GRAP2: variants seen among roughly 807,000 people sequenced by gnomAD.
The protein encoded by GRAP2 is GRB2 related adaptor protein 2, also known as GRB2-related adapter protein 2.
A neutral mutation model predicts 43.5 loss-of-function variants in GRAP2; 31 were observed. That is an observed-to-expected ratio of 0.71 (90% confidence interval 0.54 to 0.96). The LOEUF (loss-of-function observed/expected upper bound fraction) is 0.96. GRAP2 is among the 40% of genes least tolerant of loss of function. The pLI is 0.00. For missense variants in GRAP2, 371 were observed against 424.4 expected, an observed-to-expected ratio of 0.87 and a Z score of 1.11; for synonymous variants, 156 against 164.8, an observed-to-expected ratio of 0.95 and a Z score of 0.41.
At chr22:39,964,122 T>G (rs955939358) in intron 4 of GRAP2, 1 of 401,712 alleles carries the variant, frequency 2.5e-6, no homozygotes. Context: ...AGTGCCAGTT[T>G]ATTTTTAGAT....
chr22:39,927,982 G>A (rs1968784183), intron 1 of GRAP2, among the ~76,000 whole-genome samples: 1 of 152,184 alleles, frequency 6.6e-6, no homozygotes, highest in African/African-American at 2.4e-5. Flanking sequence ...TAAATAGGGA[G>A]CCCAGATGGG....
intron 1 of GRAP2, among the ~76,000 whole-genome samples, chr22:39,932,079 G>A (rs978175256): frequency 5.9e-5 from 9 of 152,084 alleles, no homozygotes; most frequent in Non-Finnish European, 1.0e-4. Flanking sequence ...CCCACTCCCC[G>A]GTTTTCATGT....
intron 6 of GRAP2, chr22:39,968,651 G>T: frequency 3.9e-6 from 1 of 253,726 alleles, no homozygotes; most frequent in Non-Finnish European, 7.5e-6. Flanking sequence ...CCACAACAGA[G>T]CCTTGTTTAT....
intron 1 of GRAP2, among the ~76,000 whole-genome samples, chr22:39,913,559 G>T (rs1351696374): frequency 6.6e-6 from 1 of 152,178 alleles, no homozygotes; most frequent in Admixed American, 6.5e-5. Context: ...TCCCAACTGA[G>T]AAGGGGCTTA....
chr22:39,953,176 C>G (rs549478641), intron 2 of GRAP2, among the ~76,000 whole-genome samples: 1 of 152,282 alleles, frequency 6.6e-6, no homozygotes, highest in East Asian at 1.9e-4. Flanking sequence ...CTCTGAAACC[C>G]CAAGCCCCAA....
Position 39,918,784 on chromosome 22 carries a change from C to A in GRAP2, c.-15+17454C>A, listed in dbSNP as rs538327548. ...GTCCTGCCTTTTGAGAGAAGATAACCAAAAACACCACTCAATTAACAAAAC... is the reference window on the plus strand; with the variant it reads ...GTCCTGCCTTTTGAGAGAAGATAACAAAAAACACCACTCAATTAACAAAAC... On this transcript the variant is annotated intron_variant, in intron 1 of 7. Transcript: ENST00000344138. Among the ~76,000 whole-genome samples, 12 of 152,204 alleles carry A rather than the reference C, an allele frequency of 7.9e-5. No individual in the cohort carries two copies. In the East Asian group the frequency reaches 1.2e-3, roughly 15 times the overall value.
At chr22:39,930,772 A>G (rs1174384319) in intron 1 of GRAP2, among the ~76,000 whole-genome samples, 2 of 152,104 alleles carry the variant, frequency 1.3e-5, no homozygotes, top group Non-Finnish European at 2.9e-5. Flanking sequence ...CCAATCACTG[A>G]TCCCATCTCC....
chr22:39,938,086 A>G (rs1201743470), intron 1 of GRAP2, among the ~76,000 whole-genome samples: 1 of 152,230 alleles, frequency 6.6e-6, no homozygotes, highest in African/African-American at 2.4e-5. Context: ...TACCTTGGGC[A>G]TCACCCAAGT....
intron 2 of GRAP2, among the ~76,000 whole-genome samples, chr22:39,951,438 A>G (rs2066980857): frequency 6.6e-6 from 1 of 152,186 alleles, no homozygotes; most frequent in African/African-American, 2.4e-5. Context: ...TTAATTCCAC[A>G]TAATTCATTT....
chr22:39,954,338 T>C (rs1479748757), intron 2 of GRAP2, among the ~76,000 whole-genome samples: 1 of 152,236 alleles, frequency 6.6e-6, no homozygotes, highest in Non-Finnish European at 1.5e-5. Context: ...CAGAGTTCTT[T>C]CCATCTTTTG....
At chr22:39,927,236 C>A (rs2145598519) in intron 1 of GRAP2, among the ~76,000 whole-genome samples, 1 of 152,242 alleles carries the variant, frequency 6.6e-6, no homozygotes, top group Admixed American at 6.5e-5. Flanking sequence ...GGCACAGTGC[C>A]CTGACTGGAC....
At chr22:39,940,066 G>A (rs1162239449) in intron 1 of GRAP2, among the ~76,000 whole-genome samples, 1 of 152,138 alleles carries the variant, frequency 6.6e-6, no homozygotes, top group East Asian at 1.9e-4. Flanking sequence ...TCTGCACCTA[G>A]CCACAGAGCC....
intron 4 of GRAP2, among the ~76,000 whole-genome samples, chr22:39,963,134 T>C (rs932471521): frequency 6.6e-6 from 1 of 152,222 alleles, no homozygotes; most frequent in Non-Finnish European, 1.5e-5. Context: ...TATAATATTT[T>C]CCAAAGCAAA....
intron 1 of GRAP2, among the ~76,000 whole-genome samples, chr22:39,901,986 A>G (rs910493359): frequency 2.0e-5 from 3 of 152,238 alleles, no homozygotes; most frequent in South Asian, 4.1e-4. Context: ...AGGATTGAAC[A>G]TACCAACCAA....
At chr22:39,950,110 C>T (rs1294655457) in intron 2 of GRAP2, among the ~76,000 whole-genome samples, 1 of 152,106 alleles carries the variant, frequency 6.6e-6, no homozygotes, top group African/African-American at 2.4e-5. Flanking sequence ...GCAATGTATA[C>T]ACCGCCCTTT....
chr22:39,968,344 G>A, intron 6 of GRAP2, 72 bp downstream of exon 6: 1 of 1,552,646 alleles, frequency 6.4e-7, no homozygotes, highest in Non-Finnish European at 8.8e-7. Context: ...GCCTGGCCCA[G>A]CCTCTTGAGT....
chr22:39,915,188 CAAAA>C (rs71326789), intron 1 of GRAP2, among the ~76,000 whole-genome samples: 1 of 56,882 alleles, frequency 1.8e-5, no homozygotes, highest in Non-Finnish European at 3.4e-5. Context: ...GACTCCATCT[CAAAA>C]AAAAAAAAAA....
At chr22:39,924,102 A>G (rs771137733) in intron 1 of GRAP2, among the ~76,000 whole-genome samples, 2 of 152,158 alleles carry the variant, frequency 1.3e-5, no homozygotes, top group Admixed American at 6.5e-5. Context: ...GTGTTCAATC[A>G]TTCTCCCTTT....
chr22:39,924,013 A>T (rs1014789919), intron 1 of GRAP2, among the ~76,000 whole-genome samples: 12 of 152,204 alleles, frequency 7.9e-5, no homozygotes, highest in African/African-American at 2.9e-4. Context: ...AACTGAACGT[A>T]GGGGGCCAGA....
Sources: gnomAD v4.1 joint callset for allele counts (sites outside exome capture counted in the v4.1 genomes callset) on GRCh38, gnomAD v4.1.1 for gene constraint, MANE v1.5 for transcripts, NCBI Gene and HGNC (gene_info 2026-07-23, HGNC 2026-07-21) for gene names.